PRKAR1B: variants seen among roughly 807,000 people sequenced by gnomAD.
PRKAR1B encodes protein kinase cAMP-dependent type I regulatory subunit beta, also known as cAMP-dependent protein kinase type I-beta regulatory subunit.
In PRKAR1B, 22 loss-of-function variants were observed where a neutral mutation model predicts 46.5. That is an observed-to-expected ratio of 0.47 (90% CI 0.34 to 0.68). PRKAR1B has a LOEUF of 0.68. Among genes scored for constraint, PRKAR1B ranks in the 30% least tolerant of loss-of-function variants. The pLI, the probability that PRKAR1B is intolerant of heterozygous loss-of-function variation, is 0.01. For synonymous variants in PRKAR1B, 259 were observed against 217.7 expected (o/e 1.19, Z -1.67); for missense variants, 445 against 535.6 (o/e 0.83, Z 1.67).
intron 1 of PRKAR1B, among the ~76,000 whole-genome samples, chr7:718,228 G>A (rs1026347891): frequency 6.7e-6 from 1 of 149,570 alleles, no homozygotes; most frequent in Non-Finnish European, 1.5e-5. Context: ...GCCGGCCCCA[G>A]GCCTTCACTG....
At chr7:638,449 T>G (rs73254221) in intron 4 of PRKAR1B, among the ~76,000 whole-genome samples, 77 of 152,278 alleles carry the variant, frequency 5.1e-4, no homozygotes, top group African/African-American at 1.7e-3. Context: ...AACTCCTCTG[T>G]GCACTCAGCC....
intron 9 of PRKAR1B, among the ~76,000 whole-genome samples, chr7:571,840 G>A (rs908626794): frequency 7.2e-5 from 11 of 152,304 alleles, no homozygotes; most frequent in Non-Finnish European, 1.5e-4. Flanking sequence ...TCCCGTCCGC[G>A]GTGAGGTGAC....
At chr7:717,232 T>C (rs1214126318) in intron 1 of PRKAR1B, among the ~76,000 whole-genome samples, 2 of 150,762 alleles carry the variant, frequency 1.3e-5, no homozygotes, top group Non-Finnish European at 2.9e-5. Context: ...GAGGTCATAG[T>C]GAGCTGAGAG....
intron 1 of PRKAR1B, among the ~76,000 whole-genome samples, chr7:723,785 C>T (rs1214814298): frequency 2.0e-5 from 3 of 152,178 alleles, no homozygotes; most frequent in Non-Finnish European, 2.9e-5. Context: ...CTGCTCACTC[C>T]CTGCCTGCTC....
At chr7:693,778 G>A (rs1273354421) in intron 2 of PRKAR1B, among the ~76,000 whole-genome samples, 1 of 152,184 alleles carries the variant, frequency 6.6e-6, no homozygotes, top group Non-Finnish European at 1.5e-5. Context: ...TGGCACTGCT[G>A]GGTCCTGTGG....
rs145973168 is a variant in PRKAR1B, at chr7:593,290, G to T, written c.708+2856C>A. Among the ~76,000 whole-genome samples, 15 of 152,104 alleles carry T rather than the reference G, an allele frequency of 9.9e-5. No homozygotes were observed. Among genetic ancestry groups the T allele is most frequent in the African/African-American group, 2.7e-4 (11 of 41,400 alleles). ...GGAGACACCAGACCGGGTCTCCCGC[G>T]TCCCCCAGGTCCCAGCACGTCCCAG... On this transcript the variant is annotated intron_variant, in intron 7 of 10. Transcript: ENST00000537384. This position sits in a 1 kb window ranked among gnomAD's most constrained non-coding sequence, Gnocchi z 6.1.
chr7:560,747 G>A lies in PRKAR1B; in HGVS notation c.892-9277C>T, dbSNP rs190900344. Among the ~76,000 whole-genome samples the A allele has an allele frequency of 3.9e-5, 6 of 152,332 alleles. No individual in the cohort carries two copies. The East Asian group carries it at 7.7e-4, about 20-fold the overall frequency. ...ACGCCAACCAATGCTACAGAGCGGC[G>A]GTGAGGCCAGATTACCCCAGCTCCA... On this transcript the variant is annotated intron_variant, in intron 9 of 10. Coordinates refer to ENST00000537384, the MANE Select transcript of PRKAR1B (RefSeq NM_001164760.2). The surrounding 1 kb of genome is among the most constrained non-coding windows in gnomAD (Gnocchi z 4.2).
chr7:588,690 ATGGTGG>A (rs1373999910), intron 7 of PRKAR1B, among the ~76,000 whole-genome samples: 1 of 11,458 alleles, frequency 8.7e-5, no homozygotes, highest in African/African-American at 2.7e-4. Context: ...GATGATGGTG[ATGGTGG>A]TGATGGTGAT....
intron 3 of PRKAR1B, 84 bp downstream of exon 3, chr7:680,472 G>A (rs1778604709): frequency 6.0e-6 from 8 of 1,336,448 alleles, no homozygotes; most frequent in East Asian, 2.6e-5. Context: ...GGATGAGGGT[G>A]CCCCGTGGGC....
chr7:601,892 G>A (rs1045940622), intron 6 of PRKAR1B, among the ~76,000 whole-genome samples: 1 of 151,982 alleles, frequency 6.6e-6, no homozygotes, highest in Non-Finnish European at 1.5e-5. Context: ...CGGGGGGGCT[G>A]GGGAGGGGTA....
intron 2 of PRKAR1B, among the ~76,000 whole-genome samples, chr7:690,347 C>G (rs1012498694): frequency 6.6e-6 from 1 of 151,836 alleles, no homozygotes; most frequent in Non-Finnish European, 1.5e-5. Context: ...AAAGCGACGG[C>G]TGGGTGCTAT....
rs1225237592 is a variant in PRKAR1B at position 667,083 on chromosome 7, GTGA to G, written c.440+10143_440+10145del. On this transcript the variant is annotated intron_variant, in intron 4 of 10. Coordinates refer to ENST00000537384, the MANE Select transcript of PRKAR1B (RefSeq NM_001164760.2). This position sits in a 1 kb window ranked among gnomAD's most constrained non-coding sequence, Gnocchi z 4.3. ...AGTGATGATGGTGATGGTGGGGATGGTGATGATGATGGTGGTGATAACGATGAT... is the reference window on the plus strand; with the variant it reads ...AGTGATGATGGTGATGGTGGGGATGGTGATGATGGTGGTGATAACGATGAT... 1.1e-4 allele frequency among the ~76,000 whole-genome samples: 17 copies of G among 151,110 alleles called. No individual in the cohort carries two copies. Among genetic ancestry groups the G allele is most frequent in the Non-Finnish European group, 1.5e-5 (1 of 67,730 alleles).
chr7:609,957 G>A (rs1718420832), intron 4 of PRKAR1B, among the ~76,000 whole-genome samples: 1 of 152,088 alleles, frequency 6.6e-6, no homozygotes, highest in African/African-American at 2.4e-5. Flanking sequence ...TGCCCAGGCT[G>A]GTCTCCAACT....
intron 9 of PRKAR1B, among the ~76,000 whole-genome samples, chr7:576,090 GGC>G (rs1779807862): frequency 6.7e-6 from 1 of 149,018 alleles, no homozygotes; most frequent in Admixed American, 6.7e-5. Context: ...CACACAGGTG[GGC>G]GTGCACGCTG....
intron 4 of PRKAR1B, among the ~76,000 whole-genome samples, chr7:638,040 G>A (rs1784214951): frequency 6.6e-6 from 1 of 152,190 alleles, no homozygotes; most frequent in Non-Finnish European, 1.5e-5. Context: ...CGCCGGCGGA[G>A]AAGACGCGGG....
At chr7:647,737 G>A (rs1234536838) in intron 4 of PRKAR1B, among the ~76,000 whole-genome samples, 1 of 146,010 alleles carries the variant, frequency 6.8e-6, no homozygotes, top group Non-Finnish European at 1.5e-5. Flanking sequence ...ACCTGGGGGG[G>A]CAGAGCCTGC....
intron 1 of PRKAR1B, among the ~76,000 whole-genome samples, chr7:721,992 T>C (rs1781090215): frequency 6.6e-6 from 1 of 152,088 alleles, no homozygotes; most frequent in South Asian, 2.1e-4. Flanking sequence ...TTAATTGTGA[T>C]GTGTCTTAGT....
At chr7:706,585 AT>A (rs754034242) in intron 2 of PRKAR1B, among the ~76,000 whole-genome samples, 93 of 113,736 alleles carry the variant, frequency 8.2e-4, no homozygotes, top group East Asian at 3.7e-3. Flanking sequence ...TGCCCAGCTA[AT>A]TTTTTTTTTT....
At chr7:633,317 C>G (rs901788697) in intron 4 of PRKAR1B, among the ~76,000 whole-genome samples, 1 of 152,148 alleles carries the variant, frequency 6.6e-6, no homozygotes, top group East Asian at 1.9e-4. Flanking sequence ...CAAATCGACA[C>G]AGAAAATATT....
Sources: allele counts gnomAD v4.1 joint callset (sites outside exome capture counted in the v4.1 genomes callset), GRCh38; gene constraint gnomAD v4.1.1; non-coding constraint Gnocchi (gnomAD v3.1); transcripts MANE v1.5; gene names NCBI Gene and HGNC (gene_info 2026-07-23, HGNC 2026-07-21).